RIMS2: variants seen among roughly 807,000 people sequenced by gnomAD.
RIMS2 encodes the protein regulating synaptic membrane exocytosis protein 2.
In RIMS2, 59 loss-of-function variants were observed where a neutral mutation model predicts 174.4. The observed-to-expected ratio is 0.34, with a 90% confidence interval of 0.27 to 0.42. The LOEUF is 0.42. Ranked by LOEUF, RIMS2 falls within the 10% of genes least tolerant of loss-of-function variation. The pLI is 1.00. For synonymous variants in RIMS2, 606 were observed against 572.5 expected (o/e 1.06, Z -0.84); for missense variants, 1,620 against 1,666.3 (o/e 0.97, Z 0.48).
intron 13 of RIMS2, among the ~76,000 whole-genome samples, chr8:103,942,397 A>T (rs922745894): frequency 1.3e-5 from 2 of 152,104 alleles, no homozygotes; most frequent in African/African-American, 4.8e-5. Context: ...GTCGTCACTG[A>T]TGGCCATTTA....
At chr8:103,772,034 C>T (rs2098259228) in intron 3 of RIMS2, among the ~76,000 whole-genome samples, 1 of 151,832 alleles carries the variant, frequency 6.6e-6, no homozygotes, top group African/African-American at 2.4e-5. Flanking sequence ...ATCACCATTT[C>T]CTTATTATCT....
At chr8:104,199,353 C>A (rs540189170) in intron 19 of RIMS2, among the ~76,000 whole-genome samples, 3 of 152,280 alleles carry the variant, frequency 2.0e-5, no homozygotes, top group Non-Finnish European at 2.9e-5. Context: ...TGAGCCACCA[C>A]GCCCGGCCTA....
intron 19 of RIMS2, among the ~76,000 whole-genome samples, chr8:104,064,579 CA>C (rs2097069222): frequency 6.6e-6 from 1 of 151,636 alleles, no homozygotes; most frequent in African/African-American, 2.4e-5. Flanking sequence ...ATATACATAT[CA>C]AAAAACAGAG....
At chr8:104,181,289 T>C (rs1286220744) in intron 19 of RIMS2, among the ~76,000 whole-genome samples, 1 of 151,606 alleles carries the variant, frequency 6.6e-6, no homozygotes, top group African/African-American at 2.4e-5. Flanking sequence ...TAAATTTAAA[T>C]TGCAGCATGT....
intron 3 of RIMS2, among the ~76,000 whole-genome samples, chr8:103,847,233 CCTT>C (rs1366807049): frequency 2.0e-5 from 3 of 152,020 alleles, no homozygotes; most frequent in African/African-American, 7.2e-5. Context: ...TGGTGCCACT[CCTT>C]CTTCTATCCC....
At chr8:104,213,934 T>C (rs1389242172) in intron 19 of RIMS2, among the ~76,000 whole-genome samples, 1 of 150,072 alleles carries the variant, frequency 6.7e-6, no homozygotes. Flanking sequence ...TAACCGCAAA[T>C]AGAATAGCTT....
intron 1 of RIMS2, 143 bp from the exon 4 acceptor site, chr8:103,696,943 T>A: frequency 1.6e-6 from 1 of 609,330 alleles, no homozygotes; most frequent in Non-Finnish European, 3.0e-6. Context: ...AGTGTTAATT[T>A]ATCATCAGAA....
intron 1 of RIMS2, among the ~76,000 whole-genome samples, chr8:103,633,025 G>T (rs1367277317): frequency 7.0e-6 from 1 of 143,310 alleles, no homozygotes; most frequent in Non-Finnish European, 1.5e-5. Context: ...GAGCCTCCGC[G>T]CCAGGCCTTT....
intron 17 of RIMS2, among the ~76,000 whole-genome samples, chr8:104,008,485 T>TTGTGTGTGTG (rs150330985): frequency 6.7e-6 from 1 of 148,346 alleles, no homozygotes; most frequent in African/African-American, 2.5e-5. Context: ...TCTTATATGT[T>TTGTGTGTGTG]TGTGTGTGTG....
chr8:103,595,855 A>G (rs73701884), intron 1 of RIMS2, among the ~76,000 whole-genome samples: 9,078 of 151,946 alleles, frequency 0.06, 905 homozygotes, highest in African/African-American at 0.2. Context: ...ATCCCACAGA[A>G]AACCTCTTCC....
chr8:103,777,834 A>G (rs1038478025), intron 3 of RIMS2, among the ~76,000 whole-genome samples: 2 of 152,054 alleles, frequency 1.3e-5, no homozygotes, highest in African/African-American at 4.8e-5. Context: ...TCCACTCTTA[A>G]AAAGATAAAA....
At chr8:103,575,851 C>T (rs1406704265) in intron 1 of RIMS2, among the ~76,000 whole-genome samples, 1 of 151,990 alleles carries the variant, frequency 6.6e-6, no homozygotes, top group Non-Finnish European at 1.5e-5. Context: ...CTGCCTGGCA[C>T]CAGATATGCC....
intron 1 of RIMS2, among the ~76,000 whole-genome samples, chr8:103,560,935 C>A (rs1339828610): frequency 2.0e-5 from 3 of 152,174 alleles, no homozygotes; most frequent in Non-Finnish European, 4.4e-5. Context: ...AACCAGACAT[C>A]AGTGAAAACA....
intron 19 of RIMS2, among the ~76,000 whole-genome samples, chr8:104,099,785 A>G (rs10089935): frequency 0.24 from 35,645 of 151,666 alleles, 4,490 homozygotes; most frequent in African/African-American, 0.33. Flanking sequence ...TTTCTGCCCC[A>G]TATGATCGGC....
At chr8:104,026,915 G>T (rs997278636) in intron 19 of RIMS2, among the ~76,000 whole-genome samples, 1 of 152,112 alleles carries the variant, frequency 6.6e-6, no homozygotes, top group South Asian at 2.1e-4. Context: ...GCTAGGAATG[G>T]ATTTTATGGT....
chr8:103,700,972 T>G (rs907043922), intron 2 of RIMS2, among the ~76,000 whole-genome samples: 57 of 152,222 alleles, frequency 3.7e-4, no homozygotes, highest in African/African-American at 1.3e-3. Context: ...TATATTGTTA[T>G]TCTTTTTGTA....
In RIMS2 at chr8:104,068,625, T is replaced by A; in HGVS notation, c.3334+54010T>A. ...TTACCATTCGAAGGCAAGACATTTT[T>A]CTTTTTAAAAGTTGTAAAATAATCA... On this transcript the variant is annotated intron_variant, in intron 19 of 23. Coordinates refer to ENST00000504942, the Ensembl canonical transcript of RIMS2. The A allele has an allele frequency of 7.3e-7, 1 of 1,378,848 alleles. No individual in the cohort carries two copies. Among genetic ancestry groups the A allele is most frequent in the Non-Finnish European group, 1.0e-6 (1 of 999,494 alleles). The allele number at this position is 1,378,848 out of a possible 1,614,324, so 85.4% of individuals were successfully genotyped here.
rs138878572 is a variant in RIMS2, at chr8:103,698,117, C to G, written c.387+821C>G. 4.2e-3 allele frequency among the ~76,000 whole-genome samples: 643 copies of G among 152,252 alleles called. 4 individuals are homozygous for G. The highest frequency in any genetic ancestry group is 0.015 in the African/African-American group (612 of 41,564). On this transcript the variant is annotated intron_variant, in intron 2 of 23. Coordinates refer to ENST00000504942, the Ensembl canonical transcript of RIMS2. ...TTACTTAGACATAATGGTGGAAATTCGTTTCCCTATGTGATTTCATTTCTT... is the reference window on the plus strand; with the variant it reads ...TTACTTAGACATAATGGTGGAAATTGGTTTCCCTATGTGATTTCATTTCTT...
chr8:103,571,727 G>A (rs779158568), intron 1 of RIMS2, among the ~76,000 whole-genome samples: 16 of 152,100 alleles, frequency 1.1e-4, no homozygotes, highest in Non-Finnish European at 1.9e-4. Context: ...AAATGTATTC[G>A]TTCATATAAC....
Sources: allele counts gnomAD v4.1 joint callset (sites outside exome capture counted in the v4.1 genomes callset), GRCh38; gene constraint gnomAD v4.1.1; transcripts MANE v1.5; gene names NCBI Gene and HGNC (gene_info 2026-07-23, HGNC 2026-07-21).